SPATA18: variants seen among roughly 807,000 people sequenced by gnomAD.
SPATA18 encodes the protein spermatogenesis associated 18.
In SPATA18, 54 loss-of-function variants were observed where a neutral mutation model predicts 68.1. That is an observed-to-expected ratio of 0.79 (90% CI 0.64 to 0.99). The LOEUF (loss-of-function observed/expected upper bound fraction) is 0.99, where lower values mean the gene tolerates loss of function less well. Ranked by LOEUF, SPATA18 falls within the 50% of genes least tolerant of loss-of-function variation. The pLI is 0.00. For missense variants in SPATA18, 724 were observed against 681.1 expected (o/e 1.06, Z -0.70); for synonymous variants, 242 against 244.8 (o/e 0.99, Z 0.11).
At position 52,094,899 on chromosome 4, in the gene SPATA18, C is replaced by A. The variant is rs780485454; in HGVS notation, c.*12C>A. The A allele has an allele frequency of 2.5e-6, 4 of 1,613,954 alleles. No individual in the cohort carries two copies. The highest frequency in any genetic ancestry group is 3.4e-6 in the Non-Finnish European group (4 of 1,179,974). The stretch of plus-strand genomic sequence containing the variant: ...CCCTAGGATTTTAAAAGCACCAGAC[C>A]TGCTCCTTTGACCCAGTGCGTGGAA... On this transcript the variant is annotated 3_prime_UTR_variant, in exon 13 of 13. Coordinates refer to ENST00000295213, the MANE Select transcript of SPATA18 (RefSeq NM_145263.4).
intron 4 of SPATA18, among the ~76,000 whole-genome samples, chr4:52,064,027 T>C (rs1216979186): frequency 1.3e-5 from 2 of 152,178 alleles, no homozygotes; most frequent in African/African-American, 4.8e-5. Flanking sequence ...AGGGGTACCA[T>C]AGATCAAGAA....
intron 4 of SPATA18, among the ~76,000 whole-genome samples, chr4:52,064,684 G>T (rs1286725012): frequency 6.6e-6 from 1 of 152,154 alleles, no homozygotes; most frequent in Non-Finnish European, 1.5e-5. Context: ...TGGTTGATGG[G>T]CACTTAGGTT....
intron 6 of SPATA18, among the ~76,000 whole-genome samples, chr4:52,073,033 C>T (rs767935811): frequency 2.6e-5 from 4 of 152,178 alleles, no homozygotes; most frequent in Non-Finnish European, 5.9e-5. Context: ...TAACAACCCC[C>T]CTCAAGCCCC....
chr4:52,069,742 C>T (rs1739632619), intron 4 of SPATA18, 79 bp from the exon 5 acceptor site: 6 of 1,015,476 alleles, frequency 5.9e-6, no homozygotes, highest in Non-Finnish European at 8.4e-6. Flanking sequence ...ACCAGAAGTT[C>T]CTAAGTGAGC....
At chr4:52,073,973 C>A (rs571951238) in intron 6 of SPATA18, among the ~76,000 whole-genome samples, 1 of 152,138 alleles carries the variant, frequency 6.6e-6, no homozygotes, top group South Asian at 2.1e-4. Flanking sequence ...TTTCTAGCAA[C>A]GATAGACTTG....
intron 4 of SPATA18, among the ~76,000 whole-genome samples, chr4:52,068,834 C>G (rs1383853361): frequency 2.0e-5 from 3 of 152,084 alleles, no homozygotes; most frequent in Non-Finnish European, 4.4e-5. Context: ...CATTGAGGAC[C>G]ATTGGTCTTC....
intron 9 of SPATA18, among the ~76,000 whole-genome samples, chr4:52,081,489 G>T (rs557386044): frequency 3.9e-5 from 6 of 152,324 alleles, no homozygotes; most frequent in Non-Finnish European, 8.8e-5. Flanking sequence ...TTGACAAATA[G>T]ATTCATTGTC....
intron 11 of SPATA18, among the ~76,000 whole-genome samples, chr4:52,092,889 A>G (rs1316749711): frequency 6.6e-6 from 1 of 152,190 alleles, no homozygotes; most frequent in Non-Finnish European, 1.5e-5. Context: ...GCAAACTAAC[A>G]CAGGAACAGA....
chr4:52,051,854 G>A, intron 1 of SPATA18, 63 bp downstream of exon 1: 3 of 1,495,884 alleles, frequency 2.0e-6, no homozygotes, highest in South Asian at 2.2e-5. Flanking sequence ...AGCCCTTGTC[G>A]GGGATTTCTT....
In SPATA18 at chr4:52,062,233, G is replaced by A; in HGVS notation, c.323G>A (p.Arg108Lys). 1 of 1,586,564 alleles carries A rather than the reference G, an allele frequency of 6.3e-7. No homozygotes were observed. The highest frequency in any genetic ancestry group is 8.6e-7 in the Non-Finnish European group (1 of 1,164,624). ...KVPSLQDTFD[R>K]ERHKDPSPRD... ...GTATCTTTCCAGGACACGTTTGATA[G>A]GGAGAGACATAAAGATCCCAGTCCT... The change falls in exon 4 of 13, where the codon AGG becomes AAG. Residue 108 changes from arginine to lysine, a missense_variant. Arg to Lys is a conservative substitution (Grantham distance 26). Transcript: ENST00000295213.
At chr4:52,074,030 T>A (rs1428803381) in intron 6 of SPATA18, among the ~76,000 whole-genome samples, 5 of 151,946 alleles carry the variant, frequency 3.3e-5, no homozygotes. Flanking sequence ...TCAAGGGAGG[T>A]GGTTAAGTTC....
intron 1 of SPATA18, among the ~76,000 whole-genome samples, chr4:52,053,017 CCCCAACTAATTTTAAAAGTA>C (rs1738032442): frequency 6.6e-6 from 1 of 152,140 alleles, no homozygotes; most frequent in South Asian, 2.1e-4. Context: ...CTTGGGTTCC[CCCCAACTAATTTTAAAAGTA>C]CCTACTACTT....
In SPATA18 at chr4:52,080,048, C is replaced by T. The variant is rs1740787525; in HGVS notation, c.1355+129C>T. 1.2e-5 allele frequency: 11 copies of T among 933,740 alleles called. No homozygotes were observed. The South Asian group carries it at 1.3e-4, about 11-fold the overall frequency. The allele number at this position is 933,740 out of a possible 1,614,324, so 57.8% of individuals were successfully genotyped here. A position where few individuals can be genotyped will look rare whatever the true frequency, so the allele number is the denominator to read the frequency against. On this transcript the variant is annotated intron_variant, in intron 9 of 12. Transcript: ENST00000295213. ...ACAGACACTACCTGATTTTCAGGCCCTACCATATACTTCTCTGTACTCCAG... is the reference window on the plus strand; with the variant it reads ...ACAGACACTACCTGATTTTCAGGCCTTACCATATACTTCTCTGTACTCCAG...
chr4:52,060,891 T>C lies in SPATA18; in HGVS notation c.303T>C (p.Ser101=). The part of the protein sequence containing the change: ...LGKSVDSKVP[S]LQDTFDRERH... ...AATCTGTTGACAGCAAGGTCCCCTC[T>C]CTGCAGGTAGGGATGCTGAAGGATA... Residue 101 remains serine, a synonymous_variant, in exon 3 of 13, where the codon TCT becomes TCC. Transcript: ENST00000295213. The C allele has an allele frequency of 1.9e-6, 3 of 1,613,268 alleles. No individual in the cohort carries two copies. The highest frequency in any genetic ancestry group is 2.5e-6 in the Non-Finnish European group (3 of 1,179,310).
In SPATA18 at chr4:52,051,540, C is replaced by A. The variant is rs997739446; in HGVS notation, c.-165C>A. ...CACCTCCCCTCTGGCTTCCCGAACCCGGCCAGGTCCGACCCGAGGGGGAGG... is the reference window on the plus strand; with the variant it reads ...CACCTCCCCTCTGGCTTCCCGAACCAGGCCAGGTCCGACCCGAGGGGGAGG... On this transcript the variant is annotated 5_prime_UTR_variant, in exon 1 of 13. Coordinates refer to ENST00000295213, the MANE Select transcript of SPATA18 (RefSeq NM_145263.4). 81 of 675,202 alleles carry A rather than the reference C, an allele frequency of 1.2e-4. No individual in the cohort carries two copies. The highest frequency in any genetic ancestry group is 4.2e-4 in the Middle Eastern group (1 of 2,376). The allele number at this position is 675,202 out of a possible 1,614,324, so 41.8% of individuals were successfully genotyped here. A position where few individuals can be genotyped will look rare whatever the true frequency, so the allele number is the denominator to read the frequency against.
chr4:52,094,432 TTTGG>T (rs1267767438), intron 11 of SPATA18, 91 bp from the exon 12 acceptor site: 1 of 1,159,858 alleles, frequency 8.6e-7, no homozygotes, highest in South Asian at 1.3e-5. Context: ...GAGAAAGCTA[TTTGG>T]TTGGTTTTAG....
intron 6 of SPATA18, among the ~76,000 whole-genome samples, chr4:52,073,731 A>G (rs985985570): frequency 6.6e-6 from 1 of 152,228 alleles, no homozygotes; most frequent in Non-Finnish European, 1.5e-5. Flanking sequence ...TGATTGAGCC[A>G]AGGGATTTTT....
chr4:52,094,393 G>A lies in SPATA18; in HGVS notation c.1564-134G>A, dbSNP rs1050385561. 7.0e-6 allele frequency: 5 copies of A among 717,148 alleles called. No homozygotes were observed. The African/African-American group carries it at 7.2e-5, about 10-fold the overall frequency. 44.4% of individuals were successfully genotyped at this position (717,148 alleles called of 1,614,324 possible). ...AAGAATCACAATAGTCAACCTTAGG[G>A]TGAAAAATCATAGTGCTAAAGTGCC... is the stretch of plus-strand genomic sequence containing the variant. On this transcript the variant is annotated intron_variant, in intron 11 of 12. Transcript: ENST00000295213.
At position 52,051,523 on chromosome 4, in the gene SPATA18, C is replaced by G. The variant is rs1030552580; in HGVS notation, c.-182C>G. 4.8e-6 allele frequency: 3 copies of G among 628,354 alleles called. No homozygotes were observed. The Admixed American group carries it at 8.3e-5, about 17-fold the overall frequency. 38.9% of individuals were successfully genotyped at this position (628,354 alleles called of 1,614,324 possible). On this transcript the variant is annotated 5_prime_UTR_variant, in exon 1 of 13. Coordinates refer to ENST00000295213, the MANE Select transcript of SPATA18 (RefSeq NM_145263.4). ...GCGGCTGCGGCCCAGGGCACCTCCC[C>G]TCTGGCTTCCCGAACCCGGCCAGGT...
Sources: allele counts gnomAD v4.1 joint callset (sites outside exome capture counted in the v4.1 genomes callset), GRCh38; gene constraint gnomAD v4.1.1; transcripts MANE v1.5; gene names NCBI Gene and HGNC (gene_info 2026-07-23, HGNC 2026-07-21).